The following RALB variants were observed in gnomAD, a reference collection of about 807,000 sequenced individuals.
RALB encodes RAS like proto-oncogene B, also known as ras-related protein Ral-B.
RALB carries 16 observed loss-of-function variants against 21.3 expected under a neutral mutation model. That is an observed-to-expected ratio of 0.75 (90% CI 0.51 to 1.14). The LOEUF (loss-of-function observed/expected upper bound fraction) is 1.14. Among genes scored for constraint, RALB ranks in the 50% most tolerant of loss-of-function variants. RALB has a pLI of 0.00. For synonymous variants in RALB, 93 were observed against 96.1 expected (o/e 0.97, Z 0.19); for missense variants, 161 against 256.2 (o/e 0.63, Z 2.54).
intron 1 of RALB, among the ~76,000 whole-genome samples, chr2:120,242,244 G>A (rs993904143): frequency 7.9e-5 from 12 of 152,224 alleles, no homozygotes; most frequent in African/African-American, 2.7e-4. Flanking sequence ...GTGGTTGCCA[G>A]GGGCTGGGGG....
At chr2:120,289,177 A>C (rs1160367204) in intron 3 of RALB, among the ~76,000 whole-genome samples, 5 of 152,200 alleles carry the variant, frequency 3.3e-5, no homozygotes, top group African/African-American at 4.8e-5. Context: ...AGGGGAATTA[A>C]GCATTTTATG....
At chr2:120,280,081 G>A (rs1370852239) in intron 2 of RALB, among the ~76,000 whole-genome samples, 2 of 152,186 alleles carry the variant, frequency 1.3e-5, no homozygotes, top group Non-Finnish European at 2.9e-5. Context: ...ATCCTGATGC[G>A]AACCTGTCCT....
chr2:120,262,016 C>T (rs546975547), intron 1 of RALB, among the ~76,000 whole-genome samples: 25 of 152,178 alleles, frequency 1.6e-4, no homozygotes, highest in African/African-American at 3.4e-4. Context: ...TGAGAGGGGC[C>T]GAGCTTGGCT....
chr2:120,259,935 G>A (rs1190749142), intron 1 of RALB, among the ~76,000 whole-genome samples: 5 of 152,218 alleles, frequency 3.3e-5, no homozygotes. Flanking sequence ...ATCGAGCGCA[G>A]TGCCGGTGGG....
intron 3 of RALB, 145 bp from the exon 4 acceptor site, chr2:120,289,435 A>G: frequency 1.3e-6 from 1 of 789,558 alleles, no homozygotes; most frequent in South Asian, 1.6e-5. Context: ...GCCTCTAGGG[A>G]GTGCTTTCTC....
Position 120,278,622 on chromosome 2 carries a change from T to A in RALB, c.-43T>A. The A allele has an allele frequency of 6.6e-7, 1 of 1,522,046 alleles. No homozygotes were observed. Among genetic ancestry groups the A allele is most frequent in the Middle Eastern group, 1.7e-4 (1 of 5,810 alleles). The allele number at this position is 1,522,046 out of a possible 1,614,324, so 94.3% of individuals were successfully genotyped here. A position where few individuals can be genotyped will look rare whatever the true frequency, so the allele number is the denominator to read the frequency against. On this transcript the variant is annotated 5_prime_UTR_variant, in exon 2 of 5. Transcript: ENST00000272519. ...CTTTGTCTTTGTCATCAGCAGCTCT[T>A]CAGTGGGTCATCTGTGTGTCACAGC... is the stretch of plus-strand genomic sequence containing the variant.
upstream of RALB, among the ~76,000 whole-genome samples, chr2:120,251,264 CG>C (rs1176067504): frequency 1.3e-5 from 2 of 152,140 alleles, no homozygotes; most frequent in Non-Finnish European, 2.9e-5. Flanking sequence ...CCAGGCTGCA[CG>C]CGGTCACACT....
At chr2:120,288,895 A>C (rs751515452) in intron 3 of RALB, among the ~76,000 whole-genome samples, 18 of 152,292 alleles carry the variant, frequency 1.2e-4, no homozygotes, top group South Asian at 2.1e-4. Flanking sequence ...TCTGCATGGA[A>C]ACTGGGGATG....
At chr2:120,259,406 G>A (rs1689288158) in intron 1 of RALB, among the ~76,000 whole-genome samples, 1 of 152,200 alleles carries the variant, frequency 6.6e-6, no homozygotes, top group African/African-American at 2.4e-5. Context: ...TCCACACACA[G>A]GTTCTCCAGG....
At chr2:120,272,817 C>A (rs1213699939) in intron 1 of RALB, among the ~76,000 whole-genome samples, 1 of 152,084 alleles carries the variant, frequency 6.6e-6, no homozygotes, top group African/African-American at 2.4e-5. Context: ...ATATGTCTTT[C>A]TGTGTTCCCA....
At chr2:120,240,790 G>A (rs1688881327) in intron 1 of RALB, among the ~76,000 whole-genome samples, 1 of 152,152 alleles carries the variant, frequency 6.6e-6, no homozygotes, top group African/African-American at 2.4e-5. Context: ...GCCTTCTCCT[G>A]CATGTGCTGC....
intron 1 of RALB, among the ~76,000 whole-genome samples, chr2:120,242,239 T>C (rs1268840855): frequency 6.6e-6 from 1 of 152,172 alleles, no homozygotes; most frequent in Non-Finnish European, 1.5e-5. Context: ...GATTGGTGGT[T>C]GCCAGGGGCT....
chr2:120,293,087 C>G, intron 4 of RALB, 54 bp from the exon 5 acceptor site: 1 of 1,514,310 alleles, frequency 6.6e-7, no homozygotes, highest in Non-Finnish European at 8.8e-7. Flanking sequence ...AGAAAAAAAT[C>G]ATTAAATGGC....
chr2:120,276,986 TTAAAA>T (rs1243247705), intron 1 of RALB, among the ~76,000 whole-genome samples: 1 of 152,230 alleles, frequency 6.6e-6, no homozygotes, highest in East Asian at 1.9e-4. Flanking sequence ...TACAAATTGG[TTAAAA>T]TAAAGATTGG....
At chr2:120,288,392 C>G (rs1166277845) in intron 3 of RALB, among the ~76,000 whole-genome samples, 3 of 113,158 alleles carry the variant, frequency 2.7e-5, no homozygotes, top group Non-Finnish European at 5.1e-5. Context: ...CCTATGTTGC[C>G]CAGGCTGGTC....
chr2:120,257,485 C>T (rs2104584208), intron 1 of RALB, among the ~76,000 whole-genome samples: 2 of 149,086 alleles, frequency 1.3e-5, no homozygotes, highest in South Asian at 4.3e-4. Context: ...TAAGTCCCTT[C>T]CATCTCTGAA....
chr2:120,256,459 G>A (rs962397307), intron 1 of RALB, among the ~76,000 whole-genome samples: 7 of 152,114 alleles, frequency 4.6e-5, no homozygotes, highest in Non-Finnish European at 1.0e-4. Context: ...GAGGGACTCG[G>A]TGGGAGGTAA....
At chr2:120,289,008 T>C (rs531538030) in intron 3 of RALB, among the ~76,000 whole-genome samples, 3 of 152,328 alleles carry the variant, frequency 2.0e-5, no homozygotes, top group African/African-American at 7.2e-5. Flanking sequence ...TGGATATTTC[T>C]GATCTGGTCA....
intron 1 of RALB, among the ~76,000 whole-genome samples, chr2:120,244,639 T>C (rs1688941891): frequency 6.6e-6 from 1 of 152,112 alleles, no homozygotes; most frequent in Non-Finnish European, 1.5e-5. Context: ...CATCCATCCA[T>C]CCATTTATCT....
Sources: gnomAD v4.1 joint callset for allele counts (sites outside exome capture counted in the v4.1 genomes callset) on GRCh38, gnomAD v4.1.1 for gene constraint, MANE v1.5 for transcripts, NCBI Gene and HGNC (gene_info 2026-07-23, HGNC 2026-07-21) for gene names.